Variants in DNMT3A observed in about 807,000 individuals in gnomAD.
DNMT3A encodes the protein DNA (cytosine-5)-methyltransferase 3A.
Under a neutral mutation model 117.6 loss-of-function variants are expected in DNMT3A, and 267 were observed. That is an observed-to-expected ratio of 2.27 (90% CI 2.05 to 2.51). DNMT3A has a LOEUF of 2.51. Among genes scored for constraint, DNMT3A ranks in the 30% most tolerant of loss-of-function variants. The probability of loss-of-function intolerance (pLI) is 0.00; values close to 1 mark genes in which losing one functional copy is unlikely to be tolerated. For missense variants in DNMT3A, 1,029 were observed against 1,260.2 expected, an observed-to-expected ratio of 0.82 and a Z score of 2.78; for synonymous variants, 432 against 474.8, an observed-to-expected ratio of 0.91 and a Z score of 1.17.
intron 16 of DNMT3A, 72 bp from the exon 17 acceptor site, chr2:25,241,779 T>C: frequency 1.9e-6 from 3 of 1,571,352 alleles, no homozygotes; most frequent in Non-Finnish European, 2.6e-6. Context: ...CAGGTGAGCC[T>C]GCTGGCCAAC....
At chr2:25,334,167 G>A (rs1243837492) in intron 1 of DNMT3A, among the ~76,000 whole-genome samples, 1 of 152,186 alleles carries the variant, frequency 6.6e-6, no homozygotes, top group Non-Finnish European at 1.5e-5. Flanking sequence ...GGCACCCATG[G>A]GTGGGGTGCG....
intron 6 of DNMT3A, among the ~76,000 whole-genome samples, chr2:25,256,466 C>T (rs183353431): frequency 6.6e-6 from 1 of 152,320 alleles, no homozygotes; most frequent in East Asian, 1.9e-4. Flanking sequence ...CTTGCACTGT[C>T]CAGGATGGCA....
chr2:25,231,928 G>A lies in DNMT3A; in HGVS notation c.*2351C>T, dbSNP rs1188909300. ...AAGTCCTGAACCCTGGGAGAAGAGT[G>A]CTGGGAGCCCCCTGGCGTGTGTGTG... On this transcript the variant is annotated 3_prime_UTR_variant, in exon 23 of 23. Transcript: ENST00000321117. The A allele has an allele frequency of 6.6e-6, 1 of 151,388 alleles. No homozygotes were observed. The highest frequency in any genetic ancestry group is 1.5e-5 in the Non-Finnish European group (1 of 67,928). The allele number at this position is 151,388 out of a possible 1,614,324, so 9.4% of individuals were successfully genotyped here. A position where few individuals can be genotyped will look rare whatever the true frequency, so the allele number is the denominator to read the frequency against.
chr2:25,295,351 C>T (rs1215699533), intron 3 of DNMT3A, among the ~76,000 whole-genome samples: 2 of 152,258 alleles, frequency 1.3e-5, no homozygotes, highest in Non-Finnish European at 2.9e-5. Context: ...CTGCAGCTGA[C>T]TTCCTGTTTC....
chr2:25,259,734 C>T (rs985500011), intron 6 of DNMT3A, among the ~76,000 whole-genome samples: 7 of 152,120 alleles, frequency 4.6e-5, no homozygotes, highest in African/African-American at 1.7e-4. Context: ...CCCACCCCTT[C>T]TCCAGGCTCC....
At chr2:25,315,356 G>C (rs1182827523) in intron 1 of DNMT3A, among the ~76,000 whole-genome samples, 1 of 152,212 alleles carries the variant, frequency 6.6e-6, no homozygotes, top group Non-Finnish European at 1.5e-5. Context: ...GGAGGAAGGA[G>C]CTGGCAGGAG....
rs548270338 is a variant in DNMT3A at position 25,337,587 on chromosome 2, A to G, written c.-178+4239T>C. On this transcript the variant is annotated intron_variant, in intron 1 of 22. Coordinates refer to ENST00000321117, the MANE Select transcript of DNMT3A (RefSeq NM_022552.5). This position sits in a 1 kb window ranked among gnomAD's most constrained non-coding sequence, Gnocchi z 5.0. Reference sequence around the variant, plus strand: ...CTCGAGGGCCTCAAGCTGCCTTGACACTGGCTCATGTGGAAGCAAGTCCTA... The same window carrying G: ...CTCGAGGGCCTCAAGCTGCCTTGACGCTGGCTCATGTGGAAGCAAGTCCTA... 2.0e-5 allele frequency among the ~76,000 whole-genome samples: 3 copies of G among 152,296 alleles called. No homozygotes were observed. The highest frequency in any genetic ancestry group is 7.2e-5 in the African/African-American group (3 of 41,558).
At position 25,246,012 on chromosome 2, in the gene DNMT3A, A is replaced by G. The variant is rs1674702454; in HGVS notation, c.1474+8T>C. On this transcript the variant is annotated splice_region_variant and intron_variant, in intron 12 of 22. Transcript: ENST00000321117. ...AGGAGTGCCAGAGTTCCCAGGCAAC[A>G]AACTTACCCTCAATGTTCCGGCACT... is the stretch of plus-strand genomic sequence containing the variant. 1 of 1,613,754 alleles carries G rather than the reference A, an allele frequency of 6.2e-7. No individual in the cohort carries two copies. Among genetic ancestry groups the G allele is most frequent in the Admixed American group, 1.7e-5 (1 of 60,002 alleles).
chr2:25,233,875 T>C lies in DNMT3A; in HGVS notation c.*404A>G, dbSNP rs945385096. 2 of 233,332 alleles carry C rather than the reference T, an allele frequency of 8.6e-6. No individual in the cohort carries two copies. Among genetic ancestry groups the C allele is most frequent in the Admixed American group, 5.7e-5 (1 of 17,642 alleles). The allele number at this position is 233,332 out of a possible 1,614,324, so 14.5% of individuals were successfully genotyped here. ...TCTCTCCCACCTTTCCTCTGCAAGG[T>C]ATTGTTACTATTTTTTGTTACTGAT... is the stretch of plus-strand genomic sequence containing the variant. On this transcript the variant is annotated 3_prime_UTR_variant, in exon 23 of 23. Coordinates refer to ENST00000321117, the MANE Select transcript of DNMT3A (RefSeq NM_022552.5).
In DNMT3A at chr2:25,302,551, C is replaced by T. The variant is rs1274541829; in HGVS notation, c.73-2308G>A. Among the ~76,000 whole-genome samples the T allele has an allele frequency of 3.9e-5, 6 of 152,240 alleles. No homozygotes were observed. In the East Asian group the frequency reaches 7.7e-4, roughly 20 times the overall value. On this transcript the variant is annotated intron_variant, in intron 2 of 22. Transcript: ENST00000321117. ...TTTTCAGGAAAGCACAGCAGACGGG[C>T]GGTGAGGGCAGAAAGGCTGTGGGAG... is the stretch of plus-strand genomic sequence containing the variant.
rs374231538 is a variant in DNMT3A at position 25,246,780 on chromosome 2, G to A, written c.1123-4C>T. ...TCCCCGCGCGGCTGCTGGCCACCTG[G>A]AGGGTGACACGCCAGGGTTGGGGTT... On this transcript the variant is annotated splice_region_variant and splice_polypyrimidine_tract_variant and intron_variant, in intron 9 of 22. Coordinates refer to ENST00000321117, the MANE Select transcript of DNMT3A (RefSeq NM_022552.5). 1.4e-5 allele frequency: 23 copies of A among 1,612,786 alleles called. No homozygotes were observed. The highest frequency in any genetic ancestry group is 1.9e-5 in the Non-Finnish European group (22 of 1,179,922).
chr2:25,283,302 C>T (rs942463379), intron 3 of DNMT3A, among the ~76,000 whole-genome samples: 3 of 139,140 alleles, frequency 2.2e-5, no homozygotes, highest in South Asian at 2.4e-4. Context: ...GCAGAGTTTG[C>T]GGTGAGCCGA....
intron 2 of DNMT3A, among the ~76,000 whole-genome samples, chr2:25,308,829 C>T (rs2033920283): frequency 6.6e-6 from 1 of 152,130 alleles, no homozygotes; most frequent in South Asian, 2.1e-4. Context: ...AGGGACCCCA[C>T]CCAAGGATGG....
intron 3 of DNMT3A, among the ~76,000 whole-genome samples, chr2:25,288,724 C>T (rs1256163284): frequency 2.0e-5 from 3 of 152,150 alleles, no homozygotes; most frequent in Non-Finnish European, 4.4e-5. Context: ...CAACCTTTAC[C>T]CCCATCCATC....
At position 25,286,983 on chromosome 2, in the gene DNMT3A, G is replaced by T. The variant is rs1466389506; in HGVS notation, c.178-4272C>A. On this transcript the variant is annotated intron_variant, in intron 3 of 22. Transcript: ENST00000321117. The surrounding 1 kb of genome is among the most constrained non-coding windows in gnomAD (Gnocchi z 4.3). ...TGCTCGATCCGGCTAGACTTAGCAG[G>T]GAGTGGGGCACCTGACAGGTGCTCA... is the stretch of plus-strand genomic sequence containing the variant. Among the ~76,000 whole-genome samples the T allele has an allele frequency of 4.6e-5, 7 of 152,224 alleles. 1 individual carries two copies. Among genetic ancestry groups the T allele is most frequent in the Admixed American group, 4.6e-4 (7 of 15,284 alleles).
chr2:25,279,062 T>C (rs2149373528), intron 4 of DNMT3A, among the ~76,000 whole-genome samples: 1 of 152,146 alleles, frequency 6.6e-6, no homozygotes, highest in Admixed American at 6.5e-5. Context: ...CCCAATACAG[T>C]CAATACTCAA....
At chr2:25,325,807 C>T (rs1367856712) in intron 1 of DNMT3A, among the ~76,000 whole-genome samples, 1 of 152,196 alleles carries the variant, frequency 6.6e-6, no homozygotes, top group African/African-American at 2.4e-5. Flanking sequence ...TGGAACCCAG[C>T]GAATTCTCTC....
intron 4 of DNMT3A, among the ~76,000 whole-genome samples, chr2:25,277,859 T>C (rs966860642): frequency 2.0e-5 from 3 of 151,970 alleles, no homozygotes; most frequent in African/African-American, 7.3e-5. Flanking sequence ...ACCACTACTG[T>C]TATTTCTCAA....
At chr2:25,341,800 G>C in intron 1 of DNMT3A, 26 bp downstream of exon 1, 2 of 975,778 alleles carry the variant, frequency 2.0e-6, no homozygotes, top group Non-Finnish European at 2.4e-6. Context: ...CCGGCCTTCC[G>C]GGCCGCCAGC....
Sources: allele counts gnomAD v4.1 joint callset (sites outside exome capture counted in the v4.1 genomes callset), GRCh38; gene constraint gnomAD v4.1.1; non-coding constraint Gnocchi (gnomAD v3.1); transcripts MANE v1.5; gene names NCBI Gene and HGNC (gene_info 2026-07-23, HGNC 2026-07-21).